The following METTL9 variants were observed in gnomAD, a reference collection of about 807,000 sequenced individuals.
METTL9 encodes protein-L-histidine N-pros-methyltransferase.
Under a neutral mutation model 36.0 loss-of-function variants are expected in METTL9, and 10 were observed. The ratio of observed to expected loss-of-function variants is 0.28; its 90% CI spans 0.17 to 0.47. METTL9 has a LOEUF of 0.47. Among genes scored for constraint, METTL9 ranks in the 20% least tolerant of loss-of-function variants. The probability of loss-of-function intolerance (pLI) is 0.99; values close to 1 mark genes in which losing one functional copy is unlikely to be tolerated. For synonymous variants in METTL9, 175 were observed against 149.7 expected, an observed-to-expected ratio of 1.17 and a Z score of -1.23; for missense variants, 246 against 383.5, an observed-to-expected ratio of 0.64 and a Z score of 3.00.
chr16:21,655,095 CAA>C (rs2141631072), intron 4 of METTL9, 130 bp from the exon 5 acceptor site: 1 of 738,562 alleles, frequency 1.4e-6, no homozygotes, highest in African/African-American at 1.8e-5. Flanking sequence ...CTGGGAAGTA[CAA>C]AAGAGGTAAC....
At chr16:21,607,396 A>T (rs1229230676) in intron 1 of METTL9, among the ~76,000 whole-genome samples, 1 of 152,044 alleles carries the variant, frequency 6.6e-6, no homozygotes, top group Non-Finnish European at 1.5e-5. Flanking sequence ...AGACAGTATG[A>T]CCTAATATTT....
chr16:21,638,387 TG>T (rs1464741500), intron 4 of METTL9, among the ~76,000 whole-genome samples: 2 of 152,188 alleles, frequency 1.3e-5, no homozygotes, highest in Non-Finnish European at 2.9e-5. Context: ...TTAGTACTGT[TG>T]GGGTTTGTTG....
intron 2 of METTL9, among the ~76,000 whole-genome samples, chr16:21,616,133 C>G (rs1466265844): frequency 6.6e-6 from 1 of 152,224 alleles, no homozygotes; most frequent in Non-Finnish European, 1.5e-5. Flanking sequence ...TCTTTCCAGT[C>G]ACTGTATAGC....
At chr16:21,617,477 C>T (rs1370482540) in intron 2 of METTL9, among the ~76,000 whole-genome samples, 1 of 151,580 alleles carries the variant, frequency 6.6e-6, no homozygotes, top group African/African-American at 2.4e-5. Context: ...CCTGTAATCC[C>T]AGCACTTTGG....
chr16:21,606,178 T>C (rs1469965393), intron 1 of METTL9, among the ~76,000 whole-genome samples: 1 of 151,600 alleles, frequency 6.6e-6, no homozygotes, highest in East Asian at 1.9e-4. Context: ...CTACTAAAAA[T>C]ACAAAAAAAT....
At chr16:21,634,443 A>G (rs1025465172) in intron 4 of METTL9, among the ~76,000 whole-genome samples, 5 of 152,142 alleles carry the variant, frequency 3.3e-5, no homozygotes, top group African/African-American at 1.2e-4. Flanking sequence ...TCATTGGACA[A>G]TCTTTCTTAA....
chr16:21,599,381 A>T, upstream of METTL9: 1 of 1,058,602 alleles, frequency 9.4e-7, no homozygotes, highest in Non-Finnish European at 1.1e-6. The surrounding 1 kb of genome is among the most constrained non-coding windows in gnomAD (Gnocchi z 4.4). Flanking sequence ...CCGGGACACG[A>T]GAACGCGCTC....
intron 4 of METTL9, chr16:21,643,680 T>G: frequency 3.6e-6 from 3 of 841,004 alleles, no homozygotes; most frequent in Non-Finnish European, 5.8e-6. Flanking sequence ...CCTAATAAGA[T>G]TAAACTAACT....
chr16:21,613,168 C>CTTTTTTTTTTTTTTTTTTTTTTTTT lies in METTL9; in HGVS notation c.356+345_356+369dup, dbSNP rs57388340. On this transcript the variant is annotated intron_variant, in intron 2 of 4. Coordinates refer to ENST00000358154, the MANE Select transcript of METTL9 (RefSeq NM_016025.5). The stretch of plus-strand genomic sequence containing the variant: ...ATCAGGGGCTAGGTCTGAGAGTCTG[C>CTTTTTTTTTTTTTTTTTTTTTTTTT]TTTTTTTTTTTTTTTTTTTTTTTTT... Among the ~76,000 whole-genome samples, 4 of 91,426 alleles carry CTTTTTTTTTTTTTTTTTTTTTTTTT rather than the reference C, an allele frequency of 4.4e-5. 1 individual carries two copies. Among genetic ancestry groups the CTTTTTTTTTTTTTTTTTTTTTTTTT allele is most frequent in the African/African-American group, 1.1e-4 (2 of 18,526 alleles). The allele number at this position is 91,426 out of a possible 152,430, so 60.0% of individuals were successfully genotyped here. A position where few individuals can be genotyped will look rare whatever the true frequency, so the allele number is the denominator to read the frequency against.
chr16:21,622,770 A>T (rs1386231104), intron 3 of METTL9, among the ~76,000 whole-genome samples: 1 of 152,166 alleles, frequency 6.6e-6, no homozygotes, highest in African/African-American at 2.4e-5. Context: ...TTCTCTTCCA[A>T]AATTACCAAC....
At chr16:21,606,677 CT>C (rs1965296783) in intron 1 of METTL9, among the ~76,000 whole-genome samples, 1 of 152,106 alleles carries the variant, frequency 6.6e-6, no homozygotes, top group Admixed American at 6.5e-5. Flanking sequence ...TCTCCCACCC[CT>C]ATCAGGAGTC....
At chr16:21,627,127 C>A in intron 4 of METTL9, 1 of 985,310 alleles carries the variant, frequency 1.0e-6, no homozygotes, top group Non-Finnish European at 1.2e-6. Context: ...TGCAGGCGCG[C>A]CACGGCACTC....
intron 4 of METTL9, chr16:21,644,340 G>A (rs774443519): frequency 1.9e-6 from 3 of 1,614,020 alleles, no homozygotes; most frequent in Non-Finnish European, 2.5e-6. Context: ...TAGACAGAGA[G>A]CAGTGATACA....
intron 4 of METTL9, chr16:21,646,741 G>A (rs1436272826): frequency 1.4e-5 from 4 of 281,320 alleles, no homozygotes; most frequent in South Asian, 3.4e-5. Context: ...TGCAACCTTC[G>A]CCTCCTGGGT....
Position 21,657,042 on chromosome 16 carries a change from CTGTT to C in METTL9, c.*1611_*1614del, listed in dbSNP as rs1052615196. On this transcript the variant is annotated 3_prime_UTR_variant, in exon 5 of 5. Transcript: ENST00000358154. ...TGAGTTTTGCTTCTTTATAAACTGTCTGTTAAAATCAGGGGTTGCTGTTAGACTG... is the reference window on the plus strand; with the variant it reads ...TGAGTTTTGCTTCTTTATAAACTGTCAAAATCAGGGGTTGCTGTTAGACTG... 8 of 151,858 alleles carry C rather than the reference CTGTT, an allele frequency of 5.3e-5. No homozygotes were observed. The highest frequency in any genetic ancestry group is 1.9e-4 in the African/African-American group (8 of 41,330). The allele number at this position is 151,858 out of a possible 1,614,324, so 9.4% of individuals were successfully genotyped here.
intron 1 of METTL9, among the ~76,000 whole-genome samples, chr16:21,605,676 GCTGCTTGAAGTT>G (rs1965266179): frequency 6.6e-6 from 1 of 152,182 alleles, no homozygotes; most frequent in Admixed American, 6.5e-5. Context: ...GAATAAGACA[GCTGCTTGAAGTT>G]CTGGCCTTTA....
rs536928157 is a variant in METTL9 at position 21,637,496 on chromosome 16, G to T, written c.751+12381G>T. Among the ~76,000 whole-genome samples, 11 of 152,340 alleles carry T rather than the reference G, an allele frequency of 7.2e-5. No homozygotes were observed. The South Asian group carries it at 2.3e-3, about 32-fold the overall frequency. On this transcript the variant is annotated intron_variant, in intron 4 of 4. Coordinates refer to ENST00000358154, the MANE Select transcript of METTL9 (RefSeq NM_016025.5). ...GCATTTACAAACCTTTAGCTAGACA[G>T]AAAAGTTCTCCAGGTCCCCACCCGA...
chr16:21,631,175 G>A (rs1333486820), intron 4 of METTL9, among the ~76,000 whole-genome samples: 1 of 152,124 alleles, frequency 6.6e-6, no homozygotes, highest in South Asian at 2.1e-4. Context: ...TGGCTATTCC[G>A]GTTCCTGTAG....
chr16:21,639,262 A>G lies in METTL9; in HGVS notation c.751+14147A>G, dbSNP rs181652577. On this transcript the variant is annotated intron_variant, in intron 4 of 4. Transcript: ENST00000358154. ...CAGCTTCAAAATCAATCTTTGAAAC[A>G]CGGTCCTTGCTTACATGGGAAAGGC... Among the ~76,000 whole-genome samples the G allele has an allele frequency of 3.3e-5, 5 of 151,920 alleles. No homozygotes were observed. The East Asian group carries it at 9.6e-4, about 29-fold the overall frequency.
Sources: gnomAD v4.1 joint callset for allele counts (sites outside exome capture counted in the v4.1 genomes callset) on GRCh38, gnomAD v4.1.1 for gene constraint, Gnocchi (gnomAD v3.1) non-coding constraint, MANE v1.5 for transcripts, NCBI Gene and HGNC (gene_info 2026-07-23, HGNC 2026-07-21) for gene names.